GRIA1: variants seen among roughly 807,000 people sequenced by gnomAD.
GRIA1 encodes glutamate receptor 1.
A neutral mutation model predicts 99.2 loss-of-function variants in GRIA1; 31 were observed. The observed-to-expected ratio is 0.31, with a 90% CI of 0.23 to 0.42. The LOEUF is 0.42. Ranked by LOEUF, GRIA1 falls within the 10% of genes least tolerant of loss-of-function variation. GRIA1 has a pLI of 1.00. For synonymous variants in GRIA1, 438 were observed against 432.4 expected (o/e 1.01, Z -0.16); for missense variants, 782 against 1,157.5 (o/e 0.68, Z 4.71).
At chr5:153,604,182 A>G (rs1328348299) in intron 2 of GRIA1, among the ~76,000 whole-genome samples, 1 of 152,100 alleles carries the variant, frequency 6.6e-6, no homozygotes, top group African/African-American at 2.4e-5. Flanking sequence ...AGATGGGAGA[A>G]AGAGAATTTC....
intron 4 of GRIA1, among the ~76,000 whole-genome samples, chr5:153,655,220 A>G (rs1016447690): frequency 6.6e-6 from 1 of 152,164 alleles, no homozygotes; most frequent in African/African-American, 2.4e-5. Context: ...TAAGTTGGGC[A>G]ATCCATTAAT....
At chr5:153,757,996 A>C (rs544417248) in intron 11 of GRIA1, among the ~76,000 whole-genome samples, 1 of 152,264 alleles carries the variant, frequency 6.6e-6, no homozygotes, top group Non-Finnish European at 1.5e-5. Flanking sequence ...TAACTACAAT[A>C]ATATGTTAAG....
At chr5:153,786,280 T>A (rs1343341515) in intron 13 of GRIA1, among the ~76,000 whole-genome samples, 2 of 151,966 alleles carry the variant, frequency 1.3e-5, no homozygotes, top group East Asian at 1.9e-4. Flanking sequence ...TCTAACCTCA[T>A]CTCCCCGAAG....
chr5:153,510,753 A>G (rs1440497384), intron 2 of GRIA1, among the ~76,000 whole-genome samples: 1 of 152,202 alleles, frequency 6.6e-6, no homozygotes, highest in East Asian at 1.9e-4. Context: ...TTTAGCAAGT[A>G]CTAGAATAAT....
At position 153,705,807 on chromosome 5, in the gene GRIA1, A is replaced by G. The variant is rs752787206; in HGVS notation, c.1563A>G (p.Pro521=). ...GGATCTCCATCATGATTAAAAAACC[A>G]CAGAAATCCAAGCCGGGTGTCTTCT... ...SLGISIMIKK[P]QKSKPGVFSF... Residue 521 remains proline (P), a synonymous_variant, in exon 11 of 16, where the codon CCA becomes CCG. Transcript: ENST00000285900. 2 of 1,613,718 alleles carry G rather than the reference A, an allele frequency of 1.2e-6. No homozygotes were observed. Among genetic ancestry groups the G allele is most frequent in the South Asian group, 1.1e-5 (1 of 91,056 alleles).
intron 8 of GRIA1, among the ~76,000 whole-genome samples, chr5:153,696,357 G>A (rs1450814308): frequency 6.6e-6 from 1 of 152,136 alleles, no homozygotes; most frequent in Non-Finnish European, 1.5e-5. Flanking sequence ...TCCCTTCTTA[G>A]GAAGAACAGC....
chr5:153,786,780 C>T (rs1233628960), intron 13 of GRIA1, among the ~76,000 whole-genome samples: 2 of 152,144 alleles, frequency 1.3e-5, no homozygotes, highest in African/African-American at 4.8e-5. Flanking sequence ...GGGAGCATTG[C>T]AGAGCAACCA....
chr5:153,590,490 T>G (rs1763868598), intron 2 of GRIA1, among the ~76,000 whole-genome samples: 1 of 150,332 alleles, frequency 6.7e-6, no homozygotes, highest in South Asian at 2.1e-4. Context: ...ATGTGCAAAC[T>G]CAACAAGCTA....
intron 11 of GRIA1, among the ~76,000 whole-genome samples, chr5:153,732,791 T>C (rs1761131799): frequency 6.6e-6 from 1 of 152,092 alleles, no homozygotes; most frequent in South Asian, 2.1e-4. Flanking sequence ...CAAAAAGTTA[T>C]TGCCAAGACC....
At chr5:153,647,591 G>A (rs1318122026) in intron 3 of GRIA1, among the ~76,000 whole-genome samples, 3 of 152,082 alleles carry the variant, frequency 2.0e-5, no homozygotes, top group Admixed American at 6.6e-5. Context: ...CTATAATGAG[G>A]ATAAAAACAA....
chr5:153,503,777 G>A (rs1755229253), intron 2 of GRIA1, among the ~76,000 whole-genome samples: 1 of 152,210 alleles, frequency 6.6e-6, no homozygotes, highest in Non-Finnish European at 1.5e-5. Flanking sequence ...GCCCATTTGA[G>A]CAGTAAGCAG....
chr5:153,516,486 T>C (rs1356785199), intron 2 of GRIA1, among the ~76,000 whole-genome samples: 1 of 151,992 alleles, frequency 6.6e-6, no homozygotes, highest in Non-Finnish European at 1.5e-5. Flanking sequence ...CAGAAAAGAC[T>C]AGTTGATCCT....
rs189227137 is a variant in GRIA1 at position 153,728,188 on chromosome 5, A to G, written c.1823+22121A>G. Among the ~76,000 whole-genome samples the G allele has an allele frequency of 6.0e-3, 918 of 152,342 alleles. 4 individuals are homozygous for G. Among genetic ancestry groups the G allele is most frequent in the Non-Finnish European group, 9.8e-3 (666 of 68,038 alleles). ...GAAAAGTGGCTAGCCATATGTAGAAAGCTGAAATTAGATCCCTCCCTTACA... is the reference window on the plus strand; with the variant it reads ...GAAAAGTGGCTAGCCATATGTAGAAGGCTGAAATTAGATCCCTCCCTTACA... On this transcript the variant is annotated intron_variant, in intron 11 of 15. Transcript: ENST00000285900.
At chr5:153,597,339 A>G (rs553209088) in intron 2 of GRIA1, among the ~76,000 whole-genome samples, 92 of 152,186 alleles carry the variant, frequency 6.0e-4, no homozygotes, top group South Asian at 2.9e-3. Flanking sequence ...CCTGCACCCC[A>G]TTTTGCAATT....
At chr5:153,540,129 T>C (rs957313566) in intron 2 of GRIA1, among the ~76,000 whole-genome samples, 1 of 152,218 alleles carries the variant, frequency 6.6e-6, no homozygotes, top group Non-Finnish European at 1.5e-5. Flanking sequence ...AGCCAGCCAG[T>C]GCACGTGGAG....
At position 153,491,730 on chromosome 5, in the gene GRIA1, C is replaced by T. The variant is rs145493040; in HGVS notation, c.82+760C>T. On this transcript the variant is annotated intron_variant, in intron 1 of 15. Coordinates refer to ENST00000285900, the MANE Select transcript of GRIA1 (RefSeq NM_000827.4). ...CACACACACGTACACATGCTCCTTT[C>T]TCCTCCTGTTGGCTCTCCATTATCC... Among the ~76,000 whole-genome samples the T allele has an allele frequency of 3.2e-4, 49 of 152,264 alleles. No individual in the cohort carries two copies. The East Asian group carries it at 7.9e-3, about 25-fold the overall frequency.
intron 2 of GRIA1, among the ~76,000 whole-genome samples, chr5:153,585,616 T>C (rs1763419435): frequency 1.3e-5 from 2 of 152,070 alleles, no homozygotes. Flanking sequence ...GCCCCTGTCC[T>C]CATTTCTTAT....
intron 12 of GRIA1, among the ~76,000 whole-genome samples, chr5:153,765,249 C>T (rs191857684): frequency 6.6e-6 from 1 of 152,268 alleles, no homozygotes; most frequent in African/African-American, 2.4e-5. Flanking sequence ...GGCCCAGAAC[C>T]TGGCTCCATC....
chr5:153,634,551 C>T (rs920136547), intron 2 of GRIA1, among the ~76,000 whole-genome samples: 1 of 151,984 alleles, frequency 6.6e-6, no homozygotes, highest in Non-Finnish European at 1.5e-5. Flanking sequence ...GGTGTCATGG[C>T]CTGGAAGCAG....
Sources: allele counts gnomAD v4.1 joint callset (sites outside exome capture counted in the v4.1 genomes callset), GRCh38; gene constraint gnomAD v4.1.1; transcripts MANE v1.5; gene names NCBI Gene and HGNC (gene_info 2026-07-23, HGNC 2026-07-21).